UGT1A7: variants seen among roughly 807,000 people sequenced by gnomAD.
The protein encoded by UGT1A7 is UDP glucuronosyltransferase family 1 member A7.
A neutral mutation model predicts 45.6 loss-of-function variants in UGT1A7; 33 were observed. The ratio of observed to expected loss-of-function variants is 0.72; its 90% CI spans 0.55 to 0.97. UGT1A7 has a LOEUF of 0.97. UGT1A7 is among the 50% of genes least tolerant of loss of function. The pLI is 0.00. For synonymous variants in UGT1A7, 274 were observed against 250.6 expected (o/e 1.09, Z -0.88); for missense variants, 684 against 666.2 (o/e 1.03, Z -0.29).
In UGT1A7 at chr2:233,729,997, T is replaced by G; in HGVS notation, c.856-37037T>G. On this transcript the variant is annotated intron_variant, in intron 1 of 4. Transcript: ENST00000373426. ...CAACAGGAAGCCACTATCTCAGGTC[T>G]GTATTGGTGCCTTCATCCAATCAAT... is the stretch of plus-strand genomic sequence containing the variant. 3 of 1,614,024 alleles carry G rather than the reference T, an allele frequency of 1.9e-6. No individual in the cohort carries two copies. The South Asian group carries it at 3.3e-5, about 18-fold the overall frequency.
chr2:233,734,728 G>A (rs893989156), intron 1 of UGT1A7, among the ~76,000 whole-genome samples: 13 of 150,534 alleles, frequency 8.6e-5, no homozygotes, highest in African/African-American at 3.2e-4. Flanking sequence ...TGTTCTCGTC[G>A]GTTTCAAAGA....
intron 1 of UGT1A7, chr2:233,754,534 G>A (rs1695504785): frequency 2.7e-6 from 1 of 372,112 alleles, no homozygotes; most frequent in Non-Finnish European, 5.3e-6. Flanking sequence ...GGCAAATGTG[G>A]ACTGGAATTA....
At chr2:233,720,324 C>T (rs938076582) in intron 1 of UGT1A7, among the ~76,000 whole-genome samples, 3 of 151,934 alleles carry the variant, frequency 2.0e-5, no homozygotes, top group Admixed American at 6.6e-5. Flanking sequence ...GTGGGGACAT[C>T]GTAGAGTTTG....
chr2:233,751,459 G>A (rs1297643220), intron 1 of UGT1A7, among the ~76,000 whole-genome samples: 1 of 152,208 alleles, frequency 6.6e-6, no homozygotes, highest in East Asian at 1.9e-4. Context: ...TTGTTGGGAA[G>A]GCACGATTGG....
In UGT1A7 at chr2:233,689,926, C is replaced by T. The variant is rs185092519; in HGVS notation, c.855+7134C>T. The T allele has an allele frequency of 1.9e-3, 845 of 456,594 alleles. 3 individuals are homozygous for T. Among genetic ancestry groups the T allele is most frequent in the Non-Finnish European group, 2.6e-3 (593 of 226,930 alleles). The allele number at this position is 456,594 out of a possible 1,614,324, so 28.3% of individuals were successfully genotyped here. A position where few individuals can be genotyped will look rare whatever the true frequency, so the allele number is the denominator to read the frequency against. ...CCAGGTAGGTGCCTGGAATTTCCTT[C>T]GAAAGAACCCAAGATTTTCCTTTAT... On this transcript the variant is annotated intron_variant, in intron 1 of 4. Transcript: ENST00000373426.
At chr2:233,701,057 T>C (rs935589404) in intron 1 of UGT1A7, among the ~76,000 whole-genome samples, 12 of 152,198 alleles carry the variant, frequency 7.9e-5, no homozygotes, top group African/African-American at 2.9e-4. Flanking sequence ...ACTCATAATT[T>C]TTTATGGCTG....
intron 1 of UGT1A7, among the ~76,000 whole-genome samples, chr2:233,749,776 T>C (rs995320818): frequency 2.6e-5 from 4 of 151,902 alleles, no homozygotes; most frequent in African/African-American, 9.7e-5. Flanking sequence ...CTGATGGTTT[T>C]ATAAGGGGCC....
chr2:233,732,017 G>A (rs1379016556), intron 1 of UGT1A7, among the ~76,000 whole-genome samples: 2 of 152,178 alleles, frequency 1.3e-5, no homozygotes. Flanking sequence ...GTTTTGATTT[G>A]CATTTCTCTG....
At chr2:233,755,268 A>G (rs983713744) in intron 1 of UGT1A7, 4 of 766,442 alleles carry the variant, frequency 5.2e-6, no homozygotes, top group Non-Finnish European at 5.9e-6. Context: ...GTAGTCCACT[A>G]TGCTGGACTG....
Position 233,712,193 on chromosome 2 carries a change from C to A in UGT1A7, c.855+29401C>A, listed in dbSNP as rs144263331. Reference sequence around the variant, plus strand: ...ATCTGAGGCCAGGCTCCAGCTCCCCCGGTCCCTTGGTGAGCAGGAGCTCCC... The same window carrying A: ...ATCTGAGGCCAGGCTCCAGCTCCCCAGGTCCCTTGGTGAGCAGGAGCTCCC... On this transcript the variant is annotated intron_variant, in intron 1 of 4. Transcript: ENST00000373426. Among the ~76,000 whole-genome samples the A allele has an allele frequency of 5.1e-3, 772 of 152,336 alleles. 4 individuals carry two copies. The highest frequency in any genetic ancestry group is 8.4e-3 in the Non-Finnish European group (571 of 68,036).
At chr2:233,713,362 T>C (rs2076312243) in intron 1 of UGT1A7, 10 of 1,614,230 alleles carry the variant, frequency 6.2e-6, no homozygotes, top group Non-Finnish European at 8.5e-6. Context: ...TCTTTGATCA[T>C]ACATAGGTCT....
chr2:233,685,917 A>T (rs2074764784), intron 1 of UGT1A7, among the ~76,000 whole-genome samples: 3 of 152,222 alleles, frequency 2.0e-5, no homozygotes, highest in African/African-American at 7.2e-5. Flanking sequence ...CCATCATTAA[A>T]TTTATCCTGA....
At chr2:233,746,798 G>A (rs1477118047) in intron 1 of UGT1A7, among the ~76,000 whole-genome samples, 2 of 151,768 alleles carry the variant, frequency 1.3e-5, no homozygotes, top group East Asian at 1.9e-4. Context: ...ATTCATGAGC[G>A]TGAATGTGGA....
chr2:233,712,779 C>G (rs2076254516), intron 1 of UGT1A7, among the ~76,000 whole-genome samples: 1 of 152,186 alleles, frequency 6.6e-6, no homozygotes, highest in Non-Finnish European at 1.5e-5. Flanking sequence ...ATGAGTTTTT[C>G]AAGATAGGAG....
At chr2:233,692,864 T>A (rs2075117839) in intron 1 of UGT1A7, 1 of 1,477,496 alleles carries the variant, frequency 6.8e-7, no homozygotes, top group South Asian at 1.4e-5. Flanking sequence ...TTCTTACATA[T>A]CAAAGGGTAA....
intron 1 of UGT1A7, chr2:233,713,058 C>G: frequency 6.2e-7 from 1 of 1,614,146 alleles, no homozygotes. Flanking sequence ...CCTCAGTGTC[C>G]AGCCCTGGGC....
intron 1 of UGT1A7, chr2:233,761,095 C>T (rs765208275): frequency 1.2e-6 from 2 of 1,614,060 alleles, no homozygotes; most frequent in Admixed American, 3.3e-5. Context: ...GCCCATCATG[C>T]CCAATATGGT....
chr2:233,757,549 T>TATATATATATATATATATACATATAC (rs1696618435), intron 1 of UGT1A7, among the ~76,000 whole-genome samples: 1 of 133,968 alleles, frequency 7.5e-6, no homozygotes, highest in Non-Finnish European at 1.6e-5. Context: ...TATATATATA[T>TATATATATATATATATATACATATAC]ATATATATAT....
At chr2:233,691,385 A>G (rs1002269496) in intron 1 of UGT1A7, 8 of 985,406 alleles carry the variant, frequency 8.1e-6, no homozygotes, top group African/African-American at 7.0e-5. Context: ...TATGTTCCCC[A>G]TGGGGGCCAG....
Sources: gnomAD v4.1 joint callset for allele counts (sites outside exome capture counted in the v4.1 genomes callset) on GRCh38, gnomAD v4.1.1 for gene constraint, MANE v1.5 for transcripts, NCBI Gene and HGNC (gene_info 2026-07-23, HGNC 2026-07-21) for gene names.